Variants in GPC6 observed in about 807,000 individuals in gnomAD.
GPC6 encodes glypican 6.
GPC6 carries 14 observed loss-of-function variants against 55.2 expected under a neutral mutation model. The observed-to-expected ratio is 0.25, with a 90% CI of 0.17 to 0.40. The LOEUF (loss-of-function observed/expected upper bound fraction) is 0.40, where lower values mean the gene tolerates loss of function less well. Ranked by LOEUF, GPC6 falls within the 10% of genes least tolerant of loss-of-function variation. The pLI, the probability that GPC6 is intolerant of heterozygous loss-of-function variation, is 1.00. For synonymous variants in GPC6, 278 were observed against 259.6 expected (o/e 1.07, Z -0.68); for missense variants, 641 against 708.5 (o/e 0.90, Z 1.08).
intron 2 of GPC6, among the ~76,000 whole-genome samples, chr13:93,739,848 T>A (rs1030810109): frequency 6.6e-6 from 1 of 151,996 alleles, no homozygotes; most frequent in Non-Finnish European, 1.5e-5. Flanking sequence ...CTAATGAGAG[T>A]TTGGGGAAAG....
At chr13:93,703,854 G>A (rs1882756498) in intron 2 of GPC6, among the ~76,000 whole-genome samples, 3 of 151,910 alleles carry the variant, frequency 2.0e-5, no homozygotes, top group Admixed American at 2.0e-4. Context: ...ATATCAAACA[G>A]ATGTTGTTAT....
At chr13:94,258,364 C>T (rs1891563072) in intron 4 of GPC6, among the ~76,000 whole-genome samples, 1 of 152,192 alleles carries the variant, frequency 6.6e-6, no homozygotes, top group South Asian at 2.1e-4. Context: ...TATCATTTCA[C>T]TTTCCAGGTG....
At chr13:93,256,474 T>C (rs568030001) in intron 1 of GPC6, among the ~76,000 whole-genome samples, 3 of 152,260 alleles carry the variant, frequency 2.0e-5, no homozygotes, top group African/African-American at 7.2e-5. Context: ...AAATATTTGG[T>C]ATATTTGATT....
intron 4 of GPC6, among the ~76,000 whole-genome samples, chr13:94,088,032 C>G (rs1885350071): frequency 6.6e-6 from 1 of 152,130 alleles, no homozygotes; most frequent in Non-Finnish European, 1.5e-5. Flanking sequence ...GCTGGCAGAC[C>G]TCTTGCTGAG....
chr13:93,343,481 G>A (rs1272060786), intron 1 of GPC6, among the ~76,000 whole-genome samples: 2 of 152,172 alleles, frequency 1.3e-5, no homozygotes, highest in Non-Finnish European at 1.5e-5. Flanking sequence ...AGCAACATGA[G>A]TAGCCATTAT....
intron 3 of GPC6, among the ~76,000 whole-genome samples, chr13:93,849,817 T>G (rs189983554): frequency 6.6e-6 from 1 of 152,154 alleles, no homozygotes; most frequent in Admixed American, 6.6e-5. Context: ...TCCCTAGGTG[T>G]GGGTAAACAG....
chr13:93,367,224 T>TC (rs1881282243), intron 1 of GPC6, among the ~76,000 whole-genome samples: 1 of 152,122 alleles, frequency 6.6e-6, no homozygotes, highest in African/African-American at 2.4e-5. Context: ...TCACTCTTTG[T>TC]TAAATAATAG....
chr13:93,578,963 A>C (rs1398377335), intron 2 of GPC6, among the ~76,000 whole-genome samples: 1 of 152,114 alleles, frequency 6.6e-6, no homozygotes, highest in Non-Finnish European at 1.5e-5. Context: ...ATGAAACTTG[A>C]GGTCATTATT....
chr13:94,333,461 A>T (rs551743271), intron 6 of GPC6, among the ~76,000 whole-genome samples: 1 of 152,326 alleles, frequency 6.6e-6, no homozygotes, highest in East Asian at 1.9e-4. Flanking sequence ...ATTTTAGAAG[A>T]GGTACAGTTC....
chr13:93,951,308 A>G (rs1297366395), intron 3 of GPC6, among the ~76,000 whole-genome samples: 2 of 152,020 alleles, frequency 1.3e-5, no homozygotes, highest in African/African-American at 4.8e-5. Flanking sequence ...CTTAATTATT[A>G]TTATGTGATT....
chr13:93,751,039 T>G (rs16949186), intron 2 of GPC6, among the ~76,000 whole-genome samples: 5,992 of 152,228 alleles, frequency 0.039, 387 homozygotes, highest in African/African-American at 0.14. Context: ...ACTCTCTGTA[T>G]GCCTCCAAAC....
At chr13:93,780,312 C>T (rs1276845008) in intron 2 of GPC6, among the ~76,000 whole-genome samples, 1 of 151,598 alleles carries the variant, frequency 6.6e-6, no homozygotes, top group African/African-American at 2.4e-5. Flanking sequence ...GAGAATATTG[C>T]CATAGGCTAC....
At chr13:93,490,644 T>C (rs191919879) in intron 1 of GPC6, among the ~76,000 whole-genome samples, 17,646 of 126,368 alleles carry the variant, frequency 0.14, 1,556 homozygotes, top group Non-Finnish European at 0.19. Context: ...GCATTAGGTA[T>C]ATCTCCCAGT....
At chr13:93,760,022 A>AAAC (rs1884905892) in intron 2 of GPC6, among the ~76,000 whole-genome samples, 2 of 18,136 alleles carry the variant, frequency 1.1e-4, no homozygotes, top group African/African-American at 7.6e-4. Context: ...AATGCTGAGA[A>AAAC]AACAAAAAAA....
chr13:93,795,184 A>G (rs1886158892), intron 2 of GPC6, among the ~76,000 whole-genome samples: 1 of 152,198 alleles, frequency 6.6e-6, no homozygotes, highest in Non-Finnish European at 1.5e-5. Flanking sequence ...ATAGTTGTAT[A>G]TATGTAGGGT....
chr13:93,383,785 T>C (rs186239571), intron 1 of GPC6, among the ~76,000 whole-genome samples: 1 of 152,244 alleles, frequency 6.6e-6, no homozygotes, highest in Admixed American at 6.5e-5. Flanking sequence ...TCTGACATTT[T>C]ACCCTTTGGA....
chr13:93,737,874 C>A (rs1257904003), intron 2 of GPC6, among the ~76,000 whole-genome samples: 1 of 151,934 alleles, frequency 6.6e-6, no homozygotes. Flanking sequence ...ATCAGCTTTT[C>A]CTTAATAATC....
At chr13:94,077,807 C>T (rs1189022657) in intron 4 of GPC6, among the ~76,000 whole-genome samples, 1 of 151,728 alleles carries the variant, frequency 6.6e-6, no homozygotes, top group Non-Finnish European at 1.5e-5. Flanking sequence ...TCCTTGCATC[C>T]CAGGGATAAA....
At chr13:94,207,060 C>T (rs968618490) in intron 4 of GPC6, among the ~76,000 whole-genome samples, 1 of 152,076 alleles carries the variant, frequency 6.6e-6, no homozygotes, top group African/African-American at 2.4e-5. Context: ...ACTCAAATTA[C>T]CCAACCTTAA....
Sources: gnomAD v4.1 joint callset for allele counts (sites outside exome capture counted in the v4.1 genomes callset) on GRCh38, gnomAD v4.1.1 for gene constraint, MANE v1.5 for transcripts, NCBI Gene and HGNC (gene_info 2026-07-23, HGNC 2026-07-21) for gene names.